Variants in OGA observed in about 807,000 individuals in gnomAD.
The protein encoded by OGA is O-GlcNAcase.
Under a neutral mutation model 102.0 loss-of-function variants are expected in OGA, and 21 were observed. The observed-to-expected ratio is 0.21, with a 90% CI of 0.15 to 0.30. The LOEUF is 0.30. Among genes scored for constraint, OGA ranks in the 10% least tolerant of loss-of-function variants. The probability of loss-of-function intolerance (pLI) is 1.00; values close to 1 mark genes in which losing one functional copy is unlikely to be tolerated. For synonymous variants in OGA, 408 were observed against 378.2 expected (o/e 1.08, Z -0.91); for missense variants, 765 against 1,107.8 (o/e 0.69, Z 4.39).
chr10:101,814,390 G>T (rs1043537310), intron 1 of OGA, among the ~76,000 whole-genome samples: 2 of 152,158 alleles, frequency 1.3e-5, no homozygotes, highest in African/African-American at 2.4e-5. Context: ...ACAAATCAGA[G>T]ATAGGATTAG....
At chr10:101,798,408 C>CTTTT (rs1047325578) in intron 9 of OGA, among the ~76,000 whole-genome samples, 3 of 133,012 alleles carry the variant, frequency 2.3e-5, no homozygotes, top group Non-Finnish European at 4.9e-5. Context: ...AAAGAACATA[C>CTTTT]TTTTTTTTTT....
intron 3 of OGA, among the ~76,000 whole-genome samples, chr10:101,811,110 C>T (rs769604119): frequency 8.6e-5 from 13 of 151,930 alleles, no homozygotes; most frequent in Non-Finnish European, 1.8e-4. Context: ...TCAGGGTAGG[C>T]CAGGCCCAAT....
In OGA at chr10:101,811,415, A is replaced by AT. The variant is rs1564650249; in HGVS notation, c.350-1102_350-1101insA. On this transcript the variant is annotated intron_variant, in intron 3 of 15. Coordinates refer to ENST00000361464, the MANE Select transcript of OGA (RefSeq NM_012215.5). ...AAAAATGAAAAAAAATGAAAAAAAA[A>AT]AAAAAAAAAAAAAAAAATGAATCAC... Among the ~76,000 whole-genome samples, 4 of 148,426 alleles carry AT rather than the reference A, an allele frequency of 2.7e-5. No homozygotes were observed. In the East Asian group the frequency reaches 6.1e-4, roughly 23 times the overall value.
intron 10 of OGA, among the ~76,000 whole-genome samples, chr10:101,794,634 TA>T (rs1006453576): frequency 6.6e-6 from 1 of 152,228 alleles, no homozygotes; most frequent in African/African-American, 2.4e-5. Context: ...CAATTGATGT[TA>T]TTTTGCCCAG....
rs869235919 is a variant in OGA at position 101,790,265 on chromosome 10, G to GTTT, written c.2454+628_2454+630dup. On this transcript the variant is annotated intron_variant, in intron 14 of 15. Coordinates refer to ENST00000361464, the MANE Select transcript of OGA (RefSeq NM_012215.5). ...CTCAACAAAACGACCATAATATCTTGTTTTTTTTTTTTTTTTTTTTTTTTT... is the reference window on the plus strand; with the variant it reads ...CTCAACAAAACGACCATAATATCTTGTTTTTTTTTTTTTTTTTTTTTTTTTTTT... Among the ~76,000 whole-genome samples, 224 of 86,428 alleles carry GTTT rather than the reference G, an allele frequency of 2.6e-3. 4 individuals carry two copies. The highest frequency in any genetic ancestry group is 4.9e-3 in the African/African-American group (105 of 21,284). 56.7% of individuals were successfully genotyped at this position (86,428 alleles called of 152,430 possible). A position where few individuals can be genotyped will look rare whatever the true frequency, so the allele number is the denominator to read the frequency against.
rs936325870 is a variant in OGA at position 101,792,006 on chromosome 10, T to A, written c.2176-567A>T. ...CACGCCCAGCTAATTTAGTATTATT[T>A]TTTATTATTTATTATTTTTTTTTTT... On this transcript the variant is annotated intron_variant, in intron 12 of 15. Transcript: ENST00000361464. Among the ~76,000 whole-genome samples, 8 of 151,478 alleles carry A rather than the reference T, an allele frequency of 5.3e-5. No homozygotes were observed. In the South Asian group the frequency reaches 1.2e-3, roughly 24 times the overall value.
intron 11 of OGA, 156 bp downstream of exon 11, chr10:101,793,757 A>G: frequency 3.4e-6 from 2 of 581,900 alleles, no homozygotes; most frequent in Non-Finnish European, 6.1e-6. Flanking sequence ...GTGAAAGAGG[A>G]GGAAAATTTG....
At chr10:101,794,986 T>C (rs2065298798) in intron 10 of OGA, among the ~76,000 whole-genome samples, 1 of 152,192 alleles carries the variant, frequency 6.6e-6, no homozygotes, top group Non-Finnish European at 1.5e-5. Context: ...AGCAAACCAA[T>C]TTTTTGTTAA....
At chr10:101,804,064 G>A (rs2065433665) in intron 6 of OGA, 45 bp from the exon 7 acceptor site, 3 of 1,542,328 alleles carry the variant, frequency 1.9e-6, no homozygotes, top group Non-Finnish European at 2.6e-6. Flanking sequence ...ATGGTTCTTG[G>A]CTAGACGCAT....
rs934299631 is a variant in OGA, at chr10:101,818,417, C to T, written c.-395G>A. 5.9e-6 allele frequency: 6 copies of T among 1,014,140 alleles called. No homozygotes were observed. The African/African-American group carries it at 1.0e-4, about 17-fold the overall frequency. The allele number at this position is 1,014,140 out of a possible 1,614,324, so 62.8% of individuals were successfully genotyped here. A position where few individuals can be genotyped will look rare whatever the true frequency, so the allele number is the denominator to read the frequency against. On this transcript the variant is annotated 5_prime_UTR_variant, in exon 1 of 16. Coordinates refer to ENST00000361464, the MANE Select transcript of OGA (RefSeq NM_012215.5). The stretch of plus-strand genomic sequence containing the variant: ...CCCCGAGCTCTCCCTCTGCTGCTGC[C>T]TCCACCGCCCGCTTCCTGTTTATCC...
chr10:101,792,499 G>C (rs1003872721), intron 12 of OGA: 1 of 176,862 alleles, frequency 5.7e-6, no homozygotes, highest in Non-Finnish European at 1.2e-5. Flanking sequence ...ACAGCCTGTA[G>C]ATACTTCACA....
rs1589823899 is a variant in OGA, at chr10:101,791,068, G to T, written c.2282C>A (p.Ser761Tyr). ...GACAAAGCAGTAATCCAGGCTGAGG[G>T]AAAGCAGCCCTCCTACTAACCTGCT... ...IGDKLVGGLL[S>Y]LSLDYCFVLE... Residue 761 changes from serine (S) to tyrosine (Y), a missense_variant, in exon 14 of 16, where the codon TCC becomes TAC. Ser to Tyr is a moderately radical substitution (Grantham distance 144). Around this residue, in one of 7 missense-constraint regions of OGA, gnomAD observed 146 missense variants for 269.7 expected, o/e 0.54. Coordinates refer to ENST00000361464, the MANE Select transcript of OGA (RefSeq NM_012215.5). 6.2e-7 allele frequency: 1 copy of T among 1,610,192 alleles called. No homozygotes were observed. The highest frequency in any genetic ancestry group is 1.3e-5 in the African/African-American group (1 of 74,782).
At position 101,785,076 on chromosome 10, in the gene OGA, C is replaced by A. The variant is rs1021089016; in HGVS notation, c.*1375G>T. 3.9e-5 allele frequency: 6 copies of A among 152,174 alleles called. No individual in the cohort carries two copies. Among genetic ancestry groups the A allele is most frequent in the Non-Finnish European group, 8.8e-5 (6 of 68,040 alleles). The allele number at this position is 152,174 out of a possible 1,614,324, so 9.4% of individuals were successfully genotyped here. The stretch of plus-strand genomic sequence containing the variant: ...AGTTTCTTTCTCTTTACCCCTCTCC[C>A]CTCACTCAGCTCAAAGTTAAACAGC... On this transcript the variant is annotated 3_prime_UTR_variant, in exon 16 of 16. Coordinates refer to ENST00000361464, the MANE Select transcript of OGA (RefSeq NM_012215.5).
intron 2 of OGA, 25 bp from the exon 3 acceptor site, chr10:101,813,152 T>C (rs762178519): frequency 2.2e-5 from 33 of 1,475,154 alleles, no homozygotes; most frequent in Non-Finnish European, 2.9e-5. Context: ...AAATTACATA[T>C]GTATAAACAG....
intron 2 of OGA, 96 bp downstream of exon 2, chr10:101,813,459 A>C: frequency 1.3e-6 from 1 of 782,654 alleles, no homozygotes; most frequent in Non-Finnish European, 2.0e-6. Flanking sequence ...AACCATCAAA[A>C]TGCACCTGGG....
chr10:101,806,086 A>G lies in OGA; in HGVS notation c.710T>C (p.Val237Ala), dbSNP rs2135074824. The G allele has an allele frequency of 6.2e-7, 1 of 1,612,492 alleles. No individual in the cohort carries two copies. Residue 237 changes from valine (V) to alanine (A), a missense_variant, in exon 6 of 16, where the codon GTG becomes GCG. Physicochemically the swap from Val to Ala is moderately conservative, Grantham distance 64. Coordinates refer to ENST00000361464, the MANE Select transcript of OGA (RefSeq NM_012215.5). ...NVSQSPYLRT[V>A]GEKLLPGIEV... ...AATTCCAGGTAGAAGCTTTTCACCCACAGTCCTTAAATATGGAGACTGAGA... is the reference window on the plus strand; with the variant it reads ...AATTCCAGGTAGAAGCTTTTCACCCGCAGTCCTTAAATATGGAGACTGAGA...
chr10:101,802,489 G>A (rs988500291), intron 7 of OGA, among the ~76,000 whole-genome samples: 73 of 152,046 alleles, frequency 4.8e-4, no homozygotes, highest in African/African-American at 1.7e-3. Context: ...GCCTGACATG[G>A]AGAAACCCCG....
intron 1 of OGA, among the ~76,000 whole-genome samples, chr10:101,815,356 G>A (rs2065608123): frequency 1.3e-5 from 2 of 151,770 alleles, no homozygotes; most frequent in Non-Finnish European, 2.9e-5. Flanking sequence ...TCGGCTCAAT[G>A]CAATCTACGC....
rs529082333 is a variant in OGA at position 101,785,118 on chromosome 10, A to C, written c.*1333T>G. Reference sequence around the variant, plus strand: ...TTAAACAGCTGATGCAAAACTACAGAGAAGCAAGATAACAAAATACTGTTA... The same window carrying C: ...TTAAACAGCTGATGCAAAACTACAGCGAAGCAAGATAACAAAATACTGTTA... On this transcript the variant is annotated 3_prime_UTR_variant, in exon 16 of 16. Transcript: ENST00000361464. 36 of 152,334 alleles carry C rather than the reference A, an allele frequency of 2.4e-4. No individual in the cohort carries two copies. Among genetic ancestry groups the C allele is most frequent in the African/African-American group, 7.9e-4 (33 of 41,574 alleles). 9.4% of individuals were successfully genotyped at this position (152,334 alleles called of 1,614,324 possible).
Sources: allele counts gnomAD v4.1 joint callset (sites outside exome capture counted in the v4.1 genomes callset), GRCh38; gene constraint gnomAD v4.1.1; regional missense constraint gnomAD v4.1.1; transcripts MANE v1.5; gene names NCBI Gene and HGNC (gene_info 2026-07-23, HGNC 2026-07-21).